The following FANCD2OS variants were observed in gnomAD, a reference collection of about 807,000 sequenced individuals.
FANCD2OS encodes FANCD2 opposite strand protein.
FANCD2OS carries 11 observed loss-of-function variants against 13.2 expected under a neutral mutation model. The ratio of observed to expected loss-of-function variants is 0.83; its 90% confidence interval spans 0.52 to 1.38. FANCD2OS has a LOEUF of 1.38. Among genes scored for constraint, FANCD2OS ranks in the 40% most tolerant of loss-of-function variants. The pLI is 0.00. For missense variants in FANCD2OS, 217 were observed against 213.9 expected (o/e 1.01, Z -0.09); for synonymous variants, 69 against 84.5 (o/e 0.82, Z 1.01).
chr3:10,092,055 C>A, intron 2 of FANCD2OS: 1 of 805,006 alleles, frequency 1.2e-6, no homozygotes, highest in Non-Finnish European at 2.2e-6. Flanking sequence ...CTGGTTGCTA[C>A]ATCTAAGGAT....
intron 2 of FANCD2OS, chr3:10,087,015 G>C: frequency 9.3e-7 from 1 of 1,075,984 alleles, no homozygotes; most frequent in Non-Finnish European, 1.4e-6. Context: ...TGAAAATAAG[G>C]AGGATTCTGA....
Position 10,104,022 on chromosome 3 carries a change from G to A in FANCD2OS, c.*219C>T. On this transcript the variant is annotated 3_prime_UTR_variant, in exon 2 of 2. Coordinates refer to ENST00000450660, the MANE Select transcript of FANCD2OS (RefSeq NM_001164839.2). ...TGTCAATGCTAGTTTGACTCTAAATGGTTCAACCTTACAATGGGAATGTTC... is the reference window on the plus strand; with the variant it reads ...TGTCAATGCTAGTTTGACTCTAAATAGTTCAACCTTACAATGGGAATGTTC... 3.6e-6 allele frequency: 2 copies of A among 552,282 alleles called. No individual in the cohort carries two copies. The highest frequency in any genetic ancestry group is 1.9e-5 in the African/African-American group (1 of 53,244). The allele number at this position is 552,282 out of a possible 1,614,324, so 34.2% of individuals were successfully genotyped here.
intron 2 of FANCD2OS, among the ~76,000 whole-genome samples, chr3:10,085,321 T>G (rs1178994239): frequency 6.6e-6 from 1 of 152,116 alleles, no homozygotes; most frequent in Admixed American, 6.5e-5. Context: ...CAGTTTCTAC[T>G]CTGATACTTA....
chr3:10,092,599 ACT>A (rs1694707277), intron 2 of FANCD2OS, among the ~76,000 whole-genome samples: 1 of 145,398 alleles, frequency 6.9e-6, no homozygotes, highest in East Asian at 2.0e-4. Flanking sequence ...CTTTAAACAC[ACT>A]GTGCTCTCAC....
chr3:10,102,715 C>T (rs557361016), downstream of FANCD2OS, among the ~76,000 whole-genome samples: 4 of 151,356 alleles, frequency 2.6e-5, no homozygotes, highest in Admixed American at 2.0e-4. Flanking sequence ...TGGTGGCGGG[C>T]GCCTGTAGTC....
intron 2 of FANCD2OS, chr3:10,095,485 C>A (rs1559408958): frequency 2.0e-5 from 12 of 598,190 alleles, no homozygotes; most frequent in South Asian, 1.8e-4. Flanking sequence ...GATTCAAACT[C>A]CAAAGCTCTT....
intron 2 of FANCD2OS, among the ~76,000 whole-genome samples, chr3:10,087,500 C>T (rs1235886171): frequency 6.7e-6 from 1 of 148,254 alleles, no homozygotes; most frequent in Non-Finnish European, 1.5e-5. Context: ...TTCTCTTTGG[C>T]TTAAGTTTAA....
chr3:10,098,689 C>G (rs750254657), downstream of FANCD2OS: 14 of 1,612,890 alleles, frequency 8.7e-6, no homozygotes, highest in Non-Finnish European at 1.2e-5. Context: ...ATCATTATAA[C>G]CCACCATTTT....
At chr3:10,082,180 T>C (rs1024419526) in intron 2 of FANCD2OS, among the ~76,000 whole-genome samples, 3 of 152,222 alleles carry the variant, frequency 2.0e-5, no homozygotes, top group African/African-American at 7.2e-5. Flanking sequence ...GTACCACCAG[T>C]TGCCTGAACC....
rs1424002724 is a variant in FANCD2OS at position 10,107,279 on chromosome 3, TTTTC to T, written c.-9+732_-9+735del. Among the ~76,000 whole-genome samples, 15 of 144,222 alleles carry T rather than the reference TTTTC, an allele frequency of 1.0e-4. No homozygotes were observed. In the East Asian group the frequency reaches 1.2e-3, roughly 11 times the overall value. The allele number at this position is 144,222 out of a possible 152,430, so 94.6% of individuals were successfully genotyped here. A position where few individuals can be genotyped will look rare whatever the true frequency, so the allele number is the denominator to read the frequency against. Reference sequence around the variant, plus strand: ...AAAAAAGTATTTAATCCCAGGATCCTTTTCTTTCTTTCTTTCTTTTTTTTTTGAG... The same window carrying T: ...AAAAAAGTATTTAATCCCAGGATCCTTTTCTTTCTTTCTTTTTTTTTTGAG... On this transcript the variant is annotated intron_variant, in intron 1 of 1. Coordinates refer to ENST00000450660, the MANE Select transcript of FANCD2OS (RefSeq NM_001164839.2).
intron 2 of FANCD2OS, chr3:10,092,107 A>G (rs1694647447): frequency 7.8e-6 from 8 of 1,024,100 alleles, no homozygotes; most frequent in Non-Finnish European, 1.2e-5. Context: ...TTCAAGAACT[A>G]TATCTTAGTG....
intron 2 of FANCD2OS, among the ~76,000 whole-genome samples, chr3:10,090,776 A>G (rs113633744): frequency 0.21 from 31,593 of 152,050 alleles, 3,977 homozygotes; most frequent in African/African-American, 0.36. Flanking sequence ...TGATTCTTCT[A>G]TGTCTTGGGT....
intron 2 of FANCD2OS, chr3:10,090,507 T>G (rs1424110508): frequency 1.6e-6 from 1 of 632,426 alleles, no homozygotes; most frequent in East Asian, 3.2e-5. Flanking sequence ...TTGCCCAGAC[T>G]GGAGTGCAGT....
chr3:10,104,690 A>G lies in FANCD2OS; in HGVS notation c.85T>C (p.Ser29Pro). The G allele has an allele frequency of 6.2e-7, 1 of 1,614,010 alleles. No individual in the cohort carries two copies. Among genetic ancestry groups the G allele is most frequent in the Non-Finnish European group, 8.5e-7 (1 of 1,179,964 alleles). Residue 29 changes from serine to proline, a missense_variant, in exon 2 of 2, where the codon TCC (serine) becomes CCC (proline). Physicochemically the swap from Ser to Pro is moderately conservative, Grantham distance 74. Transcript: ENST00000450660. Reference sequence around the variant, plus strand: ...GGGGAGGCCTTGAATGGGTGCTTGGAGGAAGGTGTAGGTGTCGTGTGCCGC... The same window carrying G: ...GGGGAGGCCTTGAATGGGTGCTTGGGGGAAGGTGTAGGTGTCGTGTGCCGC... The part of the protein sequence containing the change: ...WLRHTTPTPS[S>P]KHPFKASPCF...
chr3:10,081,402 G>A (rs1458819256), exon 3 of FANCD2OS: 1 of 1,614,100 alleles, frequency 6.2e-7, no homozygotes, highest in Non-Finnish European at 8.5e-7. Context: ...AAGTTCAGGA[G>A]TACCACATAA....
intron 2 of FANCD2OS, among the ~76,000 whole-genome samples, chr3:10,093,806 T>G (rs1694795037): frequency 6.6e-6 from 1 of 152,204 alleles, no homozygotes; most frequent in Non-Finnish European, 1.5e-5. Context: ...TCCTCAAGTT[T>G]CCTTCCAAGT....
At chr3:10,090,951 T>G (rs1694568506) in intron 2 of FANCD2OS, among the ~76,000 whole-genome samples, 3 of 152,198 alleles carry the variant, frequency 2.0e-5, no homozygotes, top group African/African-American at 7.2e-5. Flanking sequence ...TCCTGCTAAC[T>G]GGCATGAGGT....
At chr3:10,100,183 A>G (rs908638084), downstream of FANCD2OS, among the ~76,000 whole-genome samples, 7 of 152,326 alleles carry the variant, frequency 4.6e-5, no homozygotes, top group South Asian at 1.4e-3. Context: ...CTGTCTCAAA[A>G]TAAAAAAGTT....
intron 1 of FANCD2OS, among the ~76,000 whole-genome samples, chr3:10,105,809 T>TAG (rs1559415283): frequency 1.0e-4 from 8 of 77,442 alleles, no homozygotes; most frequent in African/African-American, 4.5e-4. Context: ...TATATATATA[T>TAG]ATATATATAT....
Sources: allele counts gnomAD v4.1 joint callset (sites outside exome capture counted in the v4.1 genomes callset), GRCh38; gene constraint gnomAD v4.1.1; transcripts MANE v1.5; gene names NCBI Gene and HGNC (gene_info 2026-07-23, HGNC 2026-07-21).